SLC22A15: variants seen among roughly 807,000 people sequenced by gnomAD.
The protein encoded by SLC22A15 is solute carrier family 22 member 15.
Under a neutral mutation model 62.7 loss-of-function variants are expected in SLC22A15, and 45 were observed. The ratio of observed to expected loss-of-function variants is 0.72; its 90% CI spans 0.56 to 0.92. The LOEUF is 0.92. Among genes scored for constraint, SLC22A15 ranks in the 40% least tolerant of loss-of-function variants. The pLI is 0.00. For synonymous variants in SLC22A15, 264 were observed against 267.0 expected (o/e 0.99, Z 0.11); for missense variants, 622 against 665.6 (o/e 0.93, Z 0.72).
chr1:116,038,800 A>G (rs563530709), intron 8 of SLC22A15, among the ~76,000 whole-genome samples: 7 of 152,282 alleles, frequency 4.6e-5, no homozygotes, highest in Non-Finnish European at 7.4e-5. Flanking sequence ...TTAAGCTGCA[A>G]TAATAGTCCA....
intron 1 of SLC22A15, among the ~76,000 whole-genome samples, chr1:115,984,778 T>C (rs1654775212): frequency 6.6e-6 from 1 of 152,136 alleles, no homozygotes; most frequent in Admixed American, 6.5e-5. Flanking sequence ...GACAGTGGTA[T>C]TGATCCTGAC....
intron 2 of SLC22A15, among the ~76,000 whole-genome samples, chr1:116,004,982 A>G (rs764485064): frequency 1.1e-4 from 16 of 152,026 alleles, no homozygotes; most frequent in Non-Finnish European, 1.8e-4. Flanking sequence ...TTACCTTATC[A>G]TTGTTTTGAT....
At position 115,976,645 on chromosome 1, in the gene SLC22A15, G is replaced by T; in HGVS notation, c.18G>T (p.Ala6=). ...GGCCCGCCATGGAGGTGGAGGAGGC[G>T]TTCCAGGCGGTGGGGGAGATGGGCA... MEVEE[A]FQAVGEMGIY... is the part of the protein sequence containing the mutation. Residue 6 remains alanine, a synonymous_variant, in exon 1 of 12, where the codon GCG becomes GCT. Transcript: ENST00000369503. The T allele has an allele frequency of 6.3e-7, 1 of 1,585,462 alleles. No individual in the cohort carries two copies. Among genetic ancestry groups the T allele is most frequent in the African/African-American group, 1.4e-5 (1 of 72,558 alleles).
At chr1:116,007,068 C>T (rs1557882246) in intron 2 of SLC22A15, among the ~76,000 whole-genome samples, 1 of 152,172 alleles carries the variant, frequency 6.6e-6, no homozygotes, top group Non-Finnish European at 1.5e-5. Flanking sequence ...ATACTTGGTA[C>T]TTTCTTCCCA....
intron 6 of SLC22A15, chr1:116,032,127 A>G: frequency 2.0e-6 from 2 of 985,382 alleles, no homozygotes; most frequent in Non-Finnish European, 2.4e-6. Context: ...TAAGCCACAT[A>G]TGTAAATCAG....
In SLC22A15 at chr1:116,066,519, G is replaced by A; in HGVS notation, c.1366-1G>A. ...TTTCATTCCACTCCCCGCCTCTGCAGAAATATGTGCAATGGTCTTTACCAT... is the reference window on the plus strand; with the variant it reads ...TTTCATTCCACTCCCCGCCTCTGCAAAAATATGTGCAATGGTCTTTACCAT... On this transcript the variant is annotated splice_acceptor_variant, in intron 10 of 11. Coordinates refer to ENST00000369503, the MANE Select transcript of SLC22A15 (RefSeq NM_018420.3). LOFTEE classifies it high-confidence loss of function. 1 of 1,589,594 alleles carries A rather than the reference G, an allele frequency of 6.3e-7. No homozygotes were observed. Among genetic ancestry groups the A allele is most frequent in the Non-Finnish European group, 8.6e-7 (1 of 1,166,384 alleles).
At chr1:116,053,365 AAAG>A (rs1232557806) in intron 8 of SLC22A15, among the ~76,000 whole-genome samples, 1 of 152,184 alleles carries the variant, frequency 6.6e-6, no homozygotes, top group African/African-American at 2.4e-5. Context: ...AAAAGAATAA[AAAG>A]AAACGAACAA....
At chr1:116,037,451 T>C in intron 8 of SLC22A15, 63 bp downstream of exon 8, 1 of 1,208,590 alleles carries the variant, frequency 8.3e-7, no homozygotes, top group African/African-American at 1.5e-5. Flanking sequence ...AATCATAATA[T>C]AGTGGAGAGA....
At chr1:116,058,483 G>A (rs1658285988) in intron 8 of SLC22A15, among the ~76,000 whole-genome samples, 1 of 152,158 alleles carries the variant, frequency 6.6e-6, no homozygotes, top group South Asian at 2.1e-4. Flanking sequence ...TGGCATGGAT[G>A]CGGGTGATCA....
chr1:116,058,054 T>TAATAAG (rs1658267888), intron 8 of SLC22A15, among the ~76,000 whole-genome samples: 2 of 149,040 alleles, frequency 1.3e-5, no homozygotes, highest in Middle Eastern at 3.2e-3. Context: ...ACTTAAAGTA[T>TAATAAG]AATAATAATA....
Position 115,992,011 on chromosome 1 carries a change from C to A in SLC22A15, c.88-20C>A. On this transcript the variant is annotated intron_variant, in intron 1 of 11. Transcript: ENST00000369503. ...TGGCAAATATCTGCAGTGTTTGGTT[C>A]TGTGTGTTTGCTCTTTCAGCTCTAC... The A allele has an allele frequency of 6.2e-7, 1 of 1,608,018 alleles. No individual in the cohort carries two copies. The highest frequency in any genetic ancestry group is 8.5e-7 in the Non-Finnish European group (1 of 1,175,822).
intron 6 of SLC22A15, 57 bp from the exon 7 acceptor site, chr1:116,035,130 A>G: frequency 1.9e-6 from 3 of 1,561,088 alleles, no homozygotes; most frequent in Non-Finnish European, 1.7e-6. Flanking sequence ...ATTCTTATGT[A>G]CTTTTCTGTT....
At chr1:115,988,348 T>G (rs781279894) in intron 1 of SLC22A15, among the ~76,000 whole-genome samples, 35 of 152,076 alleles carry the variant, frequency 2.3e-4, no homozygotes, top group Non-Finnish European at 4.6e-4. Flanking sequence ...TTTTGTTTTT[T>G]GGGGGGGAAA....
At chr1:115,990,355 C>G (rs1307996390) in intron 1 of SLC22A15, among the ~76,000 whole-genome samples, 1 of 152,172 alleles carries the variant, frequency 6.6e-6, no homozygotes, top group African/African-American at 2.4e-5. Flanking sequence ...CCTCTCCTCC[C>G]GAGTTCCCTT....
chr1:116,022,911 T>C (rs1656912124), intron 4 of SLC22A15, among the ~76,000 whole-genome samples: 1 of 152,194 alleles, frequency 6.6e-6, no homozygotes, highest in South Asian at 2.1e-4. Flanking sequence ...TGGAACTTTT[T>C]TTGAGTAGCT....
At chr1:116,001,730 T>G (rs569076456) in intron 2 of SLC22A15, among the ~76,000 whole-genome samples, 1 of 152,234 alleles carries the variant, frequency 6.6e-6, no homozygotes, top group South Asian at 2.1e-4. Context: ...GATTCTGAAT[T>G]CCTTCTCTGA....
intron 2 of SLC22A15, among the ~76,000 whole-genome samples, chr1:115,993,975 G>T (rs1214972153): frequency 6.6e-6 from 1 of 152,036 alleles, no homozygotes; most frequent in Non-Finnish European, 1.5e-5. Flanking sequence ...ACCCTCTAAG[G>T]CTCACTTTCA....
At chr1:115,992,434 G>C (rs956785832) in intron 2 of SLC22A15, among the ~76,000 whole-genome samples, 191 bp downstream of exon 2, 1 of 152,114 alleles carries the variant, frequency 6.6e-6, no homozygotes, top group African/African-American at 2.4e-5. Context: ...CTTACTACAC[G>C]TGGGAGAAGC....
chr1:116,036,147 A>G (rs1196270038), intron 7 of SLC22A15, among the ~76,000 whole-genome samples: 3 of 152,086 alleles, frequency 2.0e-5, no homozygotes, highest in African/African-American at 7.2e-5. Flanking sequence ...GATCCCTGTG[A>G]TAGAGGCTAC....
Sources: allele counts gnomAD v4.1 joint callset (sites outside exome capture counted in the v4.1 genomes callset), GRCh38; gene constraint gnomAD v4.1.1; transcripts MANE v1.5; gene names NCBI Gene and HGNC (gene_info 2026-07-23, HGNC 2026-07-21).